PGM3: variants seen among roughly 807,000 people sequenced by gnomAD.
PGM3 encodes phosphoglucomutase 3, also known as phosphoacetylglucosamine mutase.
A neutral mutation model predicts 66.2 loss-of-function variants in PGM3; 40 were observed. The ratio of observed to expected loss-of-function variants is 0.60; its 90% CI spans 0.47 to 0.79. The LOEUF is 0.79. Among genes scored for constraint, PGM3 ranks in the 30% least tolerant of loss-of-function variants. The pLI is 0.00. For synonymous variants in PGM3, 191 were observed against 224.2 expected (o/e 0.85, Z 1.32); for missense variants, 537 against 643.4 (o/e 0.83, Z 1.79).
chr6:83,164,607 A>AG, downstream of PGM3: 14 of 1,513,234 alleles, frequency 9.3e-6, no homozygotes, highest in South Asian at 1.7e-4. Context: ...TTCATGGCCA[A>AG]GCATACTTTT....
chr6:83,171,787 C>T, intron 11 of PGM3, 150 bp downstream of exon 11: 1 of 603,892 alleles, frequency 1.7e-6, no homozygotes, highest in Non-Finnish European at 2.8e-6. Flanking sequence ...AGCTACTGCG[C>T]TTGGCCCATA....
chr6:83,153,756 A>G, the PGM3 span: 2 of 1,175,034 alleles, frequency 1.7e-6, no homozygotes, highest in Non-Finnish European at 1.2e-6. Context: ...AAAAAAATTC[A>G]TATATTATTT....
downstream of PGM3, chr6:83,162,858 A>G (rs1562388969): frequency 1.2e-6 from 2 of 1,613,572 alleles, no homozygotes; most frequent in African/African-American, 1.3e-5. Flanking sequence ...CAGGGTATAC[A>G]TCAACGAGAA....
downstream of PGM3, chr6:83,156,151 G>T (rs1782732889): frequency 1.3e-6 from 2 of 1,505,880 alleles, no homozygotes; most frequent in South Asian, 2.5e-5. Context: ...CAGGTTTTTG[G>T]TTCCTTAGAA....
downstream of PGM3, chr6:83,164,724 G>T: frequency 1.3e-6 from 2 of 1,587,220 alleles, no homozygotes; most frequent in Non-Finnish European, 1.7e-6. Flanking sequence ...CATCAGGTGA[G>T]GGTGGCTGTT....
At position 83,171,851 on chromosome 6, in the gene PGM3, T is replaced by C. The variant is rs1010263215; in HGVS notation, c.1365+86A>G. On this transcript the variant is annotated intron_variant, in intron 11 of 12. Transcript: ENST00000513973. Reference sequence around the variant, plus strand: ...TATGTACAGAATGAAATAGGAAACATATGTCAGTGAGATATAATGAGAATT... The same window carrying C: ...TATGTACAGAATGAAATAGGAAACACATGTCAGTGAGATATAATGAGAATT... 9.4e-6 allele frequency: 10 copies of C among 1,061,692 alleles called. No individual in the cohort carries two copies. In the African/African-American group the frequency reaches 1.3e-4, roughly 13 times the overall value. 65.8% of individuals were successfully genotyped at this position (1,061,692 alleles called of 1,614,324 possible).
At chr6:83,191,600 T>G (rs191914761) in intron 1 of PGM3, among the ~76,000 whole-genome samples, 1 of 152,322 alleles carries the variant, frequency 6.6e-6, no homozygotes, top group East Asian at 1.9e-4. Context: ...CTTTTTCCAT[T>G]TGCTAAAAAC....
At chr6:83,150,050 G>C in the PGM3 span, among the ~76,000 whole-genome samples, 2,352 of 152,288 alleles carry the variant, frequency 0.015, 69 homozygotes, top group African/African-American at 0.053. Flanking sequence ...GGGAAAGTAA[G>C]TGTTGATTCT....
downstream of PGM3, chr6:83,159,798 C>T: frequency 6.2e-7 from 1 of 1,614,148 alleles, no homozygotes; most frequent in Non-Finnish European, 8.5e-7. Flanking sequence ...GCTTACAGGA[C>T]TTCAGGGCCC....
chr6:83,187,001 T>A lies in PGM3; in HGVS notation c.457+7A>T. The A allele has an allele frequency of 1.3e-6, 2 of 1,495,876 alleles. No individual in the cohort carries two copies. Among genetic ancestry groups the A allele is most frequent in the Middle Eastern group, 3.4e-4 (2 of 5,824 alleles). 92.7% of individuals were successfully genotyped at this position (1,495,876 alleles called of 1,614,324 possible). A position where few individuals can be genotyped will look rare whatever the true frequency, so the allele number is the denominator to read the frequency against. ...AGTTTAATTTCCAACTCAGGATAAC[T>A]ACATACCATGGAATTGACCTCCTAG... On this transcript the variant is annotated splice_region_variant and intron_variant, in intron 4 of 12. Coordinates refer to ENST00000513973, the MANE Select transcript of PGM3 (RefSeq NM_015599.3).
At position 83,167,283 on chromosome 6, in the gene PGM3, T is replaced by C. The variant is rs1456185399; in HGVS notation, c.*1951A>G. 3 of 984,994 alleles carry C rather than the reference T, an allele frequency of 3.0e-6. No homozygotes were observed. In the African/African-American group the frequency reaches 5.2e-5, roughly 17 times the overall value. 61.0% of individuals were successfully genotyped at this position (984,994 alleles called of 1,614,324 possible). On this transcript the variant is annotated 3_prime_UTR_variant, in exon 13 of 13. Transcript: ENST00000513973. The stretch of plus-strand genomic sequence containing the variant: ...GTCCAGCTTTCCTCCCTATGTTGTT[T>C]AGCACAACCCAGAAGGAGACAGCAG...
intron 6 of PGM3, among the ~76,000 whole-genome samples, chr6:83,180,736 C>T (rs1333008993): frequency 1.3e-5 from 2 of 152,162 alleles, no homozygotes; most frequent in Non-Finnish European, 2.9e-5. Context: ...AGTGGCAGAA[C>T]TGAACTGTCA....
intron 4 of PGM3, among the ~76,000 whole-genome samples, chr6:83,184,630 T>C (rs915288220): frequency 6.6e-6 from 1 of 152,248 alleles, no homozygotes; most frequent in African/African-American, 2.4e-5. Context: ...CTCAGAAACC[T>C]GGAATGTGTT....
rs751083278 is a variant in PGM3, at chr6:83,182,833, T to C, written c.591+12A>G. 2 of 1,611,938 alleles carry C rather than the reference T, an allele frequency of 1.2e-6. No homozygotes were observed. The highest frequency in any genetic ancestry group is 1.7e-6 in the Non-Finnish European group (2 of 1,178,498). ...TTTGTTTAACTTTAACCATGTTCAA[T>C]AAACTTTTCACCTGTTTGGTGAGTT... On this transcript the variant is annotated intron_variant, in intron 5 of 12. Transcript: ENST00000513973.
chr6:83,168,390 A>G lies in PGM3; in HGVS notation c.*844T>C, dbSNP rs1786365154. 3 of 1,309,722 alleles carry G rather than the reference A, an allele frequency of 2.3e-6. No homozygotes were observed. In the African/African-American group the frequency reaches 4.5e-5, roughly 20 times the overall value. 81.1% of individuals were successfully genotyped at this position (1,309,722 alleles called of 1,614,324 possible). A position where few individuals can be genotyped will look rare whatever the true frequency, so the allele number is the denominator to read the frequency against. ...ATTATGGTGCCTAAGAGAGCTATAT[A>G]TATACACATGTAAAGTCCATTGTTT... On this transcript the variant is annotated 3_prime_UTR_variant, in exon 13 of 13. Transcript: ENST00000513973.
Position 83,166,322 on chromosome 6 carries a change from G to T in PGM3, c.*2912C>A. The T allele has an allele frequency of 1.5e-6, 1 of 657,478 alleles. No homozygotes were observed. The highest frequency in any genetic ancestry group is 2.7e-6 in the Non-Finnish European group (1 of 363,700). The allele number at this position is 657,478 out of a possible 1,614,324, so 40.7% of individuals were successfully genotyped here. On this transcript the variant is annotated 3_prime_UTR_variant, in exon 13 of 13. Coordinates refer to ENST00000513973, the MANE Select transcript of PGM3 (RefSeq NM_015599.3). ...TCTCAATTGGTCATTATCAATTTCC[G>T]ATGACTGGCCACTGCACTCCTCATC...
Position 83,182,915 on chromosome 6 carries a change from C to A in PGM3, c.521G>T (p.Arg174Leu), listed in dbSNP as rs73749732. ...ACCTTCTATAGTTGCCTTTCCATAT[C>A]GGCCACCCGTGTTTCGACAATACAC... ...YMVYCRNTGG[R>L]YGKATIEGYY... Residue 174 changes from arginine to leucine, a missense_variant, in exon 5 of 13, where the codon CGA (arginine) becomes CTA (leucine). By Grantham distance (102) the Arg-to-Leu change is moderately radical (BLOSUM62 -2). Coordinates refer to ENST00000513973, the MANE Select transcript of PGM3 (RefSeq NM_015599.3). 5.0e-4 allele frequency: 802 copies of A among 1,613,866 alleles called. 7 individuals are homozygous for A. In the African/African-American group the frequency reaches 9.2e-3, roughly 18 times the overall value.
At chr6:83,179,256 G>A (rs1787999479) in intron 7 of PGM3, among the ~76,000 whole-genome samples, 1 of 148,772 alleles carries the variant, frequency 6.7e-6, no homozygotes, top group African/African-American at 2.5e-5. Context: ...AGGTTGCAAT[G>A]AGCCGAGATC....
At chr6:83,180,072 C>G in intron 6 of PGM3, 105 bp from the exon 7 acceptor site, 1 of 804,138 alleles carries the variant, frequency 1.2e-6, no homozygotes, top group African/African-American at 1.7e-5. Context: ...ATGTCTTAAT[C>G]TTAAATAGTG....
Sources: allele counts gnomAD v4.1 joint callset (sites outside exome capture counted in the v4.1 genomes callset), GRCh38; gene constraint gnomAD v4.1.1; transcripts MANE v1.5; gene names NCBI Gene and HGNC (gene_info 2026-07-23, HGNC 2026-07-21).